Variants in LMO1 observed in about 807,000 individuals in gnomAD.
The protein encoded by LMO1 is LIM domain only 1.
In LMO1, 10 loss-of-function variants were observed where a neutral mutation model predicts 18.0. The ratio of observed to expected loss-of-function variants is 0.55; its 90% CI spans 0.34 to 0.94. The LOEUF is 0.94. Ranked by LOEUF, LMO1 falls within the 40% of genes least tolerant of loss-of-function variation. The probability of loss-of-function intolerance (pLI) is 0.02; values close to 1 mark genes in which losing one functional copy is unlikely to be tolerated. For missense variants in LMO1, 183 were observed against 205.7 expected, an observed-to-expected ratio of 0.89 and a Z score of 0.68; for synonymous variants, 77 against 77.9, an observed-to-expected ratio of 0.99 and a Z score of 0.06.
At chr11:8,242,181 T>A (rs1370446121) in intron 1 of LMO1, among the ~76,000 whole-genome samples, 1 of 152,178 alleles carries the variant, frequency 6.6e-6, no homozygotes, top group Non-Finnish European at 1.5e-5. Context: ...TGAGAAGCCA[T>A]CCCAGGGCTC....
At chr11:8,233,035 C>T (rs556442235) in intron 1 of LMO1, among the ~76,000 whole-genome samples, 3 of 152,328 alleles carry the variant, frequency 2.0e-5, no homozygotes, top group Admixed American at 6.5e-5. Context: ...TGCCAGCCGC[C>T]GCAGGTCCCC....
intron 1 of LMO1, among the ~76,000 whole-genome samples, chr11:8,260,190 G>C (rs140344383): frequency 9.1e-4 from 139 of 152,248 alleles, no homozygotes; most frequent in African/African-American, 3.1e-3. Context: ...GCCTCTTCTC[G>C]AACAGCCCAG....
At chr11:8,237,720 C>A (rs1952785833) in intron 1 of LMO1, among the ~76,000 whole-genome samples, 1 of 152,260 alleles carries the variant, frequency 6.6e-6, no homozygotes, top group Non-Finnish European at 1.5e-5. Flanking sequence ...AGGCTAGGCT[C>A]CGCCCATGGG....
rs1847232793 is a variant in LMO1 at position 8,263,877 on chromosome 11, A to G, written c.-515T>C. ...TCCCGCTGCCTTTCTCCCTCAATGT[A>G]TGAGGTTTGCACTCCTGCTACTGCA... On this transcript the variant is annotated 5_prime_UTR_variant, in exon 1 of 4. Transcript: ENST00000335790. 7.7e-6 allele frequency: 8 copies of G among 1,037,338 alleles called. No homozygotes were observed. The South Asian group carries it at 3.2e-4, about 42-fold the overall frequency. The allele number at this position is 1,037,338 out of a possible 1,614,324, so 64.3% of individuals were successfully genotyped here.
chr11:8,265,741 T>C (rs72852595), upstream of LMO1, among the ~76,000 whole-genome samples: 13,454 of 152,168 alleles, frequency 0.088, 821 homozygotes, highest in Middle Eastern at 0.24. Context: ...AGCTGGGGGC[T>C]AGACAGTGTA....
At chr11:8,245,642 A>T (rs1846881511) in intron 1 of LMO1, among the ~76,000 whole-genome samples, 1 of 152,204 alleles carries the variant, frequency 6.6e-6, no homozygotes, top group African/African-American at 2.4e-5. Context: ...GGCTAAGGGC[A>T]GCCTCCCTTC....
chr11:8,232,866 A>G (rs1199459887), intron 1 of LMO1, among the ~76,000 whole-genome samples: 1 of 152,182 alleles, frequency 6.6e-6, no homozygotes, highest in Admixed American at 6.5e-5. Flanking sequence ...TCTCTCTTCC[A>G]TCTACCCTGG....
At chr11:8,241,810 G>T (rs1251175263) in intron 1 of LMO1, among the ~76,000 whole-genome samples, 1 of 150,570 alleles carries the variant, frequency 6.6e-6, no homozygotes, top group Non-Finnish European at 1.5e-5. Context: ...ACAAAAAAAA[G>T]TCTGATTGAT....
At chr11:8,230,234 G>C in intron 2 of LMO1, 57 bp downstream of exon 2, 2 of 1,511,772 alleles carry the variant, frequency 1.3e-6, no homozygotes, top group Non-Finnish European at 1.8e-6. Flanking sequence ...TGGGGCTGAG[G>C]ATGGGGAGCT....
At chr11:8,247,113 T>G (rs1304636267) in intron 1 of LMO1, among the ~76,000 whole-genome samples, 2 of 152,250 alleles carry the variant, frequency 1.3e-5, no homozygotes, top group African/African-American at 4.8e-5. Flanking sequence ...AATTTCTGCA[T>G]CCTTCAAGGA....
intron 1 of LMO1, among the ~76,000 whole-genome samples, chr11:8,243,763 C>G (rs1291594457): frequency 6.6e-6 from 1 of 152,180 alleles, no homozygotes; most frequent in African/African-American, 2.4e-5. Flanking sequence ...ACTGCTCTAG[C>G]CAAACCCTAG....
At chr11:8,237,415 G>T (rs1393728233) in intron 1 of LMO1, among the ~76,000 whole-genome samples, 1 of 152,296 alleles carries the variant, frequency 6.6e-6, no homozygotes. Context: ...TTGTGAGAAG[G>T]CCTCCATTTC....
chr11:8,237,401 A>G (rs1952778722), intron 1 of LMO1, among the ~76,000 whole-genome samples: 1 of 152,232 alleles, frequency 6.6e-6, no homozygotes, highest in Non-Finnish European at 1.5e-5. Flanking sequence ...GGACACATCC[A>G]GCCTTGTGAG....
upstream of LMO1, among the ~76,000 whole-genome samples, chr11:8,266,816 C>T (rs114797037): frequency 7.7e-3 from 1,177 of 152,310 alleles, 12 homozygotes; most frequent in African/African-American, 0.027. Flanking sequence ...GGGCCTGCTC[C>T]CAACACAATG....
chr11:8,244,859 C>T (rs539130800), intron 1 of LMO1, among the ~76,000 whole-genome samples: 1 of 152,308 alleles, frequency 6.6e-6, no homozygotes, highest in East Asian at 1.9e-4. Context: ...GACTCTCCAC[C>T]TTCTGCTCAC....
At chr11:8,242,097 C>G (rs561888301) in intron 1 of LMO1, among the ~76,000 whole-genome samples, 1 of 152,308 alleles carries the variant, frequency 6.6e-6, no homozygotes, top group African/African-American at 2.4e-5. Context: ...GTACCTGTAG[C>G]TATGTGGCCC....
At chr11:8,226,439 G>A (rs113673262) in intron 3 of LMO1, among the ~76,000 whole-genome samples, 3 of 152,274 alleles carry the variant, frequency 2.0e-5, no homozygotes, top group African/African-American at 7.2e-5. Flanking sequence ...CTTGAACCCG[G>A]GAGGCAGAGG....
chr11:8,268,362 C>A, upstream of LMO1: 3 of 1,400,290 alleles, frequency 2.1e-6, no homozygotes, highest in Non-Finnish European at 2.8e-6. Context: ...GCAGGGCCAG[C>A]GCCGCAGTCT....
chr11:8,230,474 C>G lies in LMO1; in HGVS notation c.56G>C (p.Gly19Ala), dbSNP rs1952637154. 1 of 1,613,444 alleles carries G rather than the reference C, an allele frequency of 6.2e-7. No individual in the cohort carries two copies. The highest frequency in any genetic ancestry group is 1.7e-5 in the Admixed American group (1 of 60,006). ...ACAGCCCGCACAGCCCTTCTGCTTC[C>G]CTTTGGGCTGGACGGAGAGCATCGG... ...GVPMLSVQPK[G>A]KQKGCAGCNR... Residue 19 changes from glycine to alanine, a missense_variant, in exon 2 of 4, where the codon GGG becomes GCG. Gly to Ala is a moderately conservative substitution (Grantham distance 60). Transcript: ENST00000335790.
Sources: allele counts gnomAD v4.1 joint callset (sites outside exome capture counted in the v4.1 genomes callset), GRCh38; gene constraint gnomAD v4.1.1; transcripts MANE v1.5; gene names NCBI Gene and HGNC (gene_info 2026-07-23, HGNC 2026-07-21).